TRAM2: variants seen among roughly 807,000 people sequenced by gnomAD.
The protein encoded by TRAM2 is translocation associated membrane protein 2.
TRAM2 carries 12 observed loss-of-function variants against 51.0 expected under a neutral mutation model. The observed-to-expected ratio is 0.24, with a 90% confidence interval of 0.15 to 0.38. The LOEUF (loss-of-function observed/expected upper bound fraction) is 0.38, where lower values mean the gene tolerates loss of function less well. Ranked by LOEUF, TRAM2 falls within the 10% of genes least tolerant of loss-of-function variation. The pLI, the probability that TRAM2 is intolerant of heterozygous loss-of-function variation, is 1.00. For missense variants in TRAM2, 361 were observed against 462.0 expected (o/e 0.78, Z 2.00); for synonymous variants, 175 against 179.4 (o/e 0.98, Z 0.20).
intron 2 of TRAM2, among the ~76,000 whole-genome samples, chr6:52,525,801 C>T (rs1006354564): frequency 3.3e-5 from 5 of 152,124 alleles, no homozygotes; most frequent in Admixed American, 2.6e-4. Flanking sequence ...GAGCTAGACT[C>T]CTGTCCTAAT....
At chr6:52,550,433 T>C (rs1767287055) in intron 1 of TRAM2, among the ~76,000 whole-genome samples, 1 of 152,212 alleles carries the variant, frequency 6.6e-6, no homozygotes, top group African/African-American at 2.4e-5. Flanking sequence ...CCCCACCTGT[T>C]TCCTGTTGGG....
At chr6:52,534,339 C>T (rs1766942675) in intron 2 of TRAM2, among the ~76,000 whole-genome samples, 1 of 152,180 alleles carries the variant, frequency 6.6e-6, no homozygotes, top group African/African-American at 2.4e-5. Context: ...CGAGATCAGG[C>T]CATTGCACTC....
In TRAM2 at chr6:52,500,160, G is replaced by C. The variant is rs527388957; in HGVS notation, c.*3037C>G. 6.6e-6 allele frequency: 1 copy of C among 152,378 alleles called. No homozygotes were observed. Among genetic ancestry groups the C allele is most frequent in the Admixed American group, 6.5e-5 (1 of 15,306 alleles). The allele number at this position is 152,378 out of a possible 1,614,324, so 9.4% of individuals were successfully genotyped here. On this transcript the variant is annotated 3_prime_UTR_variant, in exon 11 of 11. Transcript: ENST00000182527. Reference sequence around the variant, plus strand: ...GGGGTAGGTTTACGTCTTTTCTCCTGCTCTTGGTGCATGGTGCTGAGCTCT... The same window carrying C: ...GGGGTAGGTTTACGTCTTTTCTCCTCCTCTTGGTGCATGGTGCTGAGCTCT...
chr6:52,548,226 CAG>C (rs1412816988), intron 1 of TRAM2, among the ~76,000 whole-genome samples: 3 of 152,206 alleles, frequency 2.0e-5, no homozygotes, highest in Admixed American at 2.0e-4. Flanking sequence ...GACCAGAATC[CAG>C]AGTCAGGCTA....
intron 1 of TRAM2, among the ~76,000 whole-genome samples, chr6:52,544,372 G>A (rs768680506): frequency 2.6e-5 from 4 of 152,188 alleles, no homozygotes; most frequent in African/African-American, 4.8e-5. Context: ...CTCCATGGAG[G>A]AGTGTGTCAG....
At chr6:52,528,915 G>A (rs1329628773) in intron 2 of TRAM2, among the ~76,000 whole-genome samples, 1 of 137,000 alleles carries the variant, frequency 7.3e-6, no homozygotes, top group Non-Finnish European at 1.5e-5. Context: ...TTTTGAGACC[G>A]AGTCTCGCTC....
At chr6:52,514,729 C>T (rs1027961090) in intron 4 of TRAM2, among the ~76,000 whole-genome samples, 2 of 152,318 alleles carry the variant, frequency 1.3e-5, no homozygotes, top group South Asian at 2.1e-4. Context: ...TCCTCCTGAA[C>T]GGCGTCTTTG....
chr6:52,511,729 C>A (rs1450505441), intron 4 of TRAM2, among the ~76,000 whole-genome samples: 3 of 152,174 alleles, frequency 2.0e-5, no homozygotes, highest in Non-Finnish European at 2.9e-5. Context: ...AGTCCACGGC[C>A]CTAATCCCAC....
intron 2 of TRAM2, chr6:52,516,965 G>C (rs1270230486): frequency 3.7e-6 from 2 of 536,484 alleles, no homozygotes; most frequent in East Asian, 3.3e-5. Context: ...TGGCTGTATT[G>C]TCATAACAGT....
At chr6:52,522,759 AT>A in intron 2 of TRAM2, 1 of 595,832 alleles carries the variant, frequency 1.7e-6, no homozygotes, top group Non-Finnish European at 3.0e-6. Flanking sequence ...GAGACCTGAA[AT>A]AATCAGAATC....
At chr6:52,557,130 C>G (rs1483461795) in intron 1 of TRAM2, among the ~76,000 whole-genome samples, 1 of 146,678 alleles carries the variant, frequency 6.8e-6, no homozygotes, top group African/African-American at 2.5e-5. Flanking sequence ...GAGGCGGAGG[C>G]TGCAGTGAGC....
At chr6:52,545,819 A>T (rs1166705061) in intron 1 of TRAM2, among the ~76,000 whole-genome samples, 2 of 152,092 alleles carry the variant, frequency 1.3e-5, no homozygotes, top group Non-Finnish European at 2.9e-5. Flanking sequence ...ATCAGGACCT[A>T]TGCTGACATT....
intron 1 of TRAM2, among the ~76,000 whole-genome samples, chr6:52,564,375 C>T (rs1257910156): frequency 6.6e-6 from 1 of 152,156 alleles, no homozygotes; most frequent in African/African-American, 2.4e-5. Context: ...AGAACCCTGC[C>T]TGCCAGTCCG....
At chr6:52,509,491 T>C (rs1399875591) in intron 5 of TRAM2, 37 bp downstream of exon 5, 3 of 1,607,748 alleles carry the variant, frequency 1.9e-6, no homozygotes. Context: ...GTGGGCCCGG[T>C]CGCTCCTCCC....
rs1459308110 is a variant in TRAM2, at chr6:52,516,751, A to C, written c.185-14T>G. On this transcript the variant is annotated splice_polypyrimidine_tract_variant and intron_variant, in intron 2 of 10. Transcript: ENST00000182527. ...CGGTCTCACTGTCTGTGGAGGTAAT[A>C]AAAGTCCCATCAGCATCCCTGGGGG... 6.3e-7 allele frequency: 1 copy of C among 1,596,866 alleles called. No individual in the cohort carries two copies. Among genetic ancestry groups the C allele is most frequent in the Non-Finnish European group, 8.6e-7 (1 of 1,164,294 alleles).
At chr6:52,555,416 A>AAT (rs926996727) in intron 1 of TRAM2, among the ~76,000 whole-genome samples, 38 of 152,194 alleles carry the variant, frequency 2.5e-4, no homozygotes, top group Admixed American at 1.6e-3. Flanking sequence ...CATTAAAACA[A>AAT]ATATATATAT....
chr6:52,549,236 T>TCCTTCCCTCCTTCCCTC lies in TRAM2; in HGVS notation c.121-13407_121-13391dup, dbSNP rs200859258. 2.0e-3 allele frequency among the ~76,000 whole-genome samples: 299 copies of TCCTTCCCTCCTTCCCTC among 150,080 alleles called. 2 individuals are homozygous for TCCTTCCCTCCTTCCCTC. Among genetic ancestry groups the TCCTTCCCTCCTTCCCTC allele is most frequent in the African/African-American group, 7.0e-3 (286 of 40,614 alleles). On this transcript the variant is annotated intron_variant, in intron 1 of 10. Transcript: ENST00000182527. ...AGACCCCTTAAAGCTTTCCTTCCCT[T>TCCTTCCCTCCTTCCCTC]CCTTCCCTCCTTCCCTCCCTTCCCT...
At chr6:52,569,039 T>G (rs150468855) in intron 1 of TRAM2, among the ~76,000 whole-genome samples, 26 of 152,298 alleles carry the variant, frequency 1.7e-4, no homozygotes, top group African/African-American at 6.3e-4. Flanking sequence ...GGAAGAGTTC[T>G]CCTAACTCCA....
chr6:52,506,299 C>T (rs374495374), intron 7 of TRAM2, among the ~76,000 whole-genome samples, 163 bp from the exon 8 acceptor site: 1 of 152,176 alleles, frequency 6.6e-6, no homozygotes, highest in Non-Finnish European at 1.5e-5. Context: ...CAGTTTAGCT[C>T]TCACACCTTT....
Sources: gnomAD v4.1 joint callset for allele counts (sites outside exome capture counted in the v4.1 genomes callset) on GRCh38, gnomAD v4.1.1 for gene constraint, MANE v1.5 for transcripts, NCBI Gene and HGNC (gene_info 2026-07-23, HGNC 2026-07-21) for gene names.